Variants in MACROD2 observed in about 807,000 individuals in gnomAD.
The protein encoded by MACROD2 is ADP-ribose glycohydrolase MACROD2.
MACROD2 carries 36 observed loss-of-function variants against 70.4 expected under a neutral mutation model. The ratio of observed to expected loss-of-function variants is 0.51; its 90% CI spans 0.39 to 0.68. The LOEUF (loss-of-function observed/expected upper bound fraction) is 0.68, where lower values mean the gene tolerates loss of function less well. Among genes scored for constraint, MACROD2 ranks in the 30% least tolerant of loss-of-function variants. The probability of loss-of-function intolerance (pLI) is 0.00; values close to 1 mark genes in which losing one functional copy is unlikely to be tolerated. For missense variants in MACROD2, 496 were observed against 538.4 expected (o/e 0.92, Z 0.78); for synonymous variants, 172 against 178.8 (o/e 0.96, Z 0.30).
In MACROD2 at chr20:15,443,006, T is replaced by C. The variant is rs145819808; in HGVS notation, c.571+11571T>C. On this transcript the variant is annotated intron_variant, in intron 7 of 17. Transcript: ENST00000684519. ...CCTCACCTCAATTGTTTACATTTTT[T>C]GGTACCAAAACTCCTTGCAAAATTT... Among the ~76,000 whole-genome samples, 902 of 152,272 alleles carry C rather than the reference T, an allele frequency of 5.9e-3. 8 individuals carry two copies. Among genetic ancestry groups the C allele is most frequent in the African/African-American group, 0.02 (834 of 41,556 alleles).
intron 3 of MACROD2, among the ~76,000 whole-genome samples, chr20:14,214,070 A>G (rs1235684990): frequency 6.6e-6 from 1 of 152,192 alleles, no homozygotes; most frequent in Admixed American, 6.5e-5. Flanking sequence ...TACATATATT[A>G]TTTAAAGTAG....
chr20:15,195,236 G>A (rs2076597748), intron 5 of MACROD2, among the ~76,000 whole-genome samples: 1 of 152,000 alleles, frequency 6.6e-6, no homozygotes, highest in Admixed American at 6.6e-5. Context: ...TGACAAATGG[G>A]GTCTAAGTAA....
At chr20:15,872,351 A>T (rs1191366511) in intron 9 of MACROD2, among the ~76,000 whole-genome samples, 8 of 152,182 alleles carry the variant, frequency 5.3e-5, no homozygotes, top group Non-Finnish European at 1.0e-4. Context: ...TAGAAGCTTG[A>T]AGAAGGGGTG....
intron 6 of MACROD2, among the ~76,000 whole-genome samples, chr20:15,314,445 T>C (rs573126633): frequency 1.3e-5 from 2 of 152,224 alleles, no homozygotes; most frequent in African/African-American, 2.4e-5. Flanking sequence ...AAAATAATTG[T>C]TAAAAAATGA....
chr20:14,501,780 T>G (rs1057308941), intron 4 of MACROD2, among the ~76,000 whole-genome samples: 6 of 152,128 alleles, frequency 3.9e-5, no homozygotes, highest in Admixed American at 2.0e-4. Context: ...GATGTGGAAA[T>G]ACGTTGGTAA....
chr20:15,180,546 A>G lies in MACROD2; in HGVS notation c.419-49394A>G, dbSNP rs138936698. On this transcript the variant is annotated intron_variant, in intron 5 of 17. Transcript: ENST00000684519. ...CCTGGAGGAATTTCTAGTTCAACAG[A>G]CACACCATGCACGATCATGTCACTG... is the stretch of plus-strand genomic sequence containing the variant. Among the ~76,000 whole-genome samples the G allele has an allele frequency of 1.6e-3, 242 of 152,358 alleles. 1 individual carries two copies. The highest frequency in any genetic ancestry group is 5.6e-3 in the African/African-American group (233 of 41,584).
chr20:14,996,838 G>A (rs1159529532), intron 5 of MACROD2, among the ~76,000 whole-genome samples: 1 of 152,002 alleles, frequency 6.6e-6, no homozygotes, highest in Non-Finnish European at 1.5e-5. Flanking sequence ...GTCCACACCA[G>A]CAGGCGGGTT....
chr20:15,607,916 A>G (rs921949129), intron 8 of MACROD2, among the ~76,000 whole-genome samples: 1 of 152,250 alleles, frequency 6.6e-6, no homozygotes, highest in Non-Finnish European at 1.5e-5. Context: ...TTTGCTAACT[A>G]AAATCAATAT....
At chr20:14,789,460 ATTT>A (rs3045609) in intron 5 of MACROD2, among the ~76,000 whole-genome samples, 3 of 48,358 alleles carry the variant, frequency 6.2e-5, no homozygotes, top group African/African-American at 8.6e-5. Context: ...GGTAGTGCAA[ATTT>A]TTTTTTTTTT....
At chr20:14,276,809 G>T (rs889101685) in intron 3 of MACROD2, among the ~76,000 whole-genome samples, 1 of 151,970 alleles carries the variant, frequency 6.6e-6, no homozygotes, top group African/African-American at 2.4e-5. Context: ...TTGTGCTGTT[G>T]GTTTTTCCAT....
intron 4 of MACROD2, among the ~76,000 whole-genome samples, chr20:14,573,074 A>G (rs181568991): frequency 2.5e-3 from 375 of 151,384 alleles, no homozygotes; most frequent in African/African-American, 8.6e-3. Context: ...TCCCTTTTGC[A>G]TAGTGTTTAG....
chr20:14,049,041 ACTT>A (rs2053519242), intron 2 of MACROD2, among the ~76,000 whole-genome samples: 1 of 152,106 alleles, frequency 6.6e-6, no homozygotes, highest in African/African-American at 2.4e-5. Flanking sequence ...GATATTTTAT[ACTT>A]CTTGATGTTT....
rs73255102 is a variant in MACROD2, at chr20:14,159,450, G to A, written c.271+73722G>A. Among the ~76,000 whole-genome samples, 260 of 151,998 alleles carry A rather than the reference G, an allele frequency of 1.7e-3. 2 individuals carry two copies. Among genetic ancestry groups the A allele is most frequent in the African/African-American group, 5.9e-3 (246 of 41,446 alleles). ...TCTTACAGAGATCTTTCACTTTCTTGGTTAAATTTATTCTTAGGTATTTTT... is the reference window on the plus strand; with the variant it reads ...TCTTACAGAGATCTTTCACTTTCTTAGTTAAATTTATTCTTAGGTATTTTT... On this transcript the variant is annotated intron_variant, in intron 3 of 17. Coordinates refer to ENST00000684519, the MANE Select transcript of MACROD2 (RefSeq NM_001351661.2).
chr20:14,028,694 T>A (rs765077290), intron 2 of MACROD2, among the ~76,000 whole-genome samples: 2 of 152,178 alleles, frequency 1.3e-5, no homozygotes, highest in Non-Finnish European at 2.9e-5. Context: ...CGACCCCTTG[T>A]GCTTTCTGGG....
chr20:14,103,727 CT>C (rs2054329077), intron 3 of MACROD2, among the ~76,000 whole-genome samples: 3 of 151,974 alleles, frequency 2.0e-5, no homozygotes, highest in Admixed American at 1.3e-4. Flanking sequence ...GGACTGCTTA[CT>C]TTTTTGTTTA....
At chr20:15,395,303 C>T (rs550097670) in intron 6 of MACROD2, among the ~76,000 whole-genome samples, 1 of 152,294 alleles carries the variant, frequency 6.6e-6, no homozygotes, top group South Asian at 2.1e-4. Flanking sequence ...TATTTAGGAA[C>T]AGTGAGTTTC....
intron 8 of MACROD2, among the ~76,000 whole-genome samples, chr20:15,513,661 G>A (rs1721967450): frequency 6.6e-6 from 1 of 152,086 alleles, no homozygotes; most frequent in Non-Finnish European, 1.5e-5. Context: ...TTTCCATATT[G>A]AATCCAAGAG....
intron 5 of MACROD2, among the ~76,000 whole-genome samples, chr20:15,216,321 C>T (rs1601241927): frequency 6.6e-6 from 1 of 151,826 alleles, no homozygotes; most frequent in Non-Finnish European, 1.5e-5. Flanking sequence ...GAAATATATA[C>T]ACCTACTATG....
chr20:14,702,555 ATATATATATACACATATATGTG>A (rs2071209579), intron 5 of MACROD2, among the ~76,000 whole-genome samples: 1 of 129,728 alleles, frequency 7.7e-6, no homozygotes, highest in African/African-American at 2.8e-5. Flanking sequence ...GTGTGTGTGT[ATATATATATACACATATATGTG>A]TATATATATG....
Sources: allele counts gnomAD v4.1 joint callset (sites outside exome capture counted in the v4.1 genomes callset), GRCh38; gene constraint gnomAD v4.1.1; transcripts MANE v1.5; gene names NCBI Gene and HGNC (gene_info 2026-07-23, HGNC 2026-07-21).